QTMAN: variants seen among roughly 807,000 people sequenced by gnomAD.
QTMAN encodes the protein queuosine-tRNA mannosyltransferase.
At chr2:144,012,822 A>G in the QTMAN span, among the ~76,000 whole-genome samples, 8,034 of 152,260 alleles carry the variant, frequency 0.053, 350 homozygotes, top group African/African-American at 0.12. Context: ...GAGAGCGTGT[A>G]TAACTGATAC....
At chr2:144,328,315 C>T in the QTMAN span, among the ~76,000 whole-genome samples, 1 of 152,168 alleles carries the variant, frequency 6.6e-6, no homozygotes, top group East Asian at 1.9e-4. Context: ...TGATCCTACA[C>T]AGCATAGGGG....
At chr2:144,211,384 T>C in the QTMAN span, 1 of 152,640 alleles carries the variant, frequency 6.6e-6, no homozygotes, top group African/African-American at 2.4e-5. Context: ...TGCCTGCATT[T>C]GGGGTGTTTT....
At chr2:144,264,209 C>T in the QTMAN span, among the ~76,000 whole-genome samples, 1 of 152,100 alleles carries the variant, frequency 6.6e-6, no homozygotes, top group Middle Eastern at 3.4e-3. Flanking sequence ...GAGCCAATAT[C>T]ACATATTCTA....
At chr2:144,209,293 T>C in the QTMAN span, among the ~76,000 whole-genome samples, 24 of 152,378 alleles carry the variant, frequency 1.6e-4, no homozygotes, top group African/African-American at 4.8e-4. Context: ...TCTGTAACTC[T>C]TGTATTACTC....
chr2:144,197,295 TTGTGTG>T, the QTMAN span, among the ~76,000 whole-genome samples: 5 of 147,990 alleles, frequency 3.4e-5, no homozygotes, highest in South Asian at 2.1e-4. Flanking sequence ...GACTGTATAT[TTGTGTG>T]TGTGTGTGTG....
At chr2:144,093,395 AAGGGCTGACAT>A in the QTMAN span, among the ~76,000 whole-genome samples, 1 of 152,228 alleles carries the variant, frequency 6.6e-6, no homozygotes, top group African/African-American at 2.4e-5. Context: ...ATACCCCATG[AAGGGCTGACAT>A]TTGCAAAGCA....
At chr2:144,146,017 A>C in the QTMAN span, 1 of 202,262 alleles carries the variant, frequency 4.9e-6, no homozygotes, top group Non-Finnish European at 9.4e-6. Flanking sequence ...AAAAAAAAAA[A>C]AGCCGGATGG....
the QTMAN span, among the ~76,000 whole-genome samples, chr2:144,207,651 G>T: frequency 3.9e-5 from 6 of 152,006 alleles, no homozygotes; most frequent in Non-Finnish European, 8.8e-5. Flanking sequence ...AAGAACATCA[G>T]CTATGTTAAC....
At chr2:144,208,954 A>C in the QTMAN span, 1 of 469,764 alleles carries the variant, frequency 2.1e-6, no homozygotes, top group Non-Finnish European at 3.7e-6. Flanking sequence ...TATTTAAATA[A>C]GTATATAACA....
the QTMAN span, among the ~76,000 whole-genome samples, chr2:144,104,118 G>A: frequency 1.3e-5 from 2 of 151,958 alleles, no homozygotes; most frequent in Non-Finnish European, 2.9e-5. Context: ...GCCGGGGGAG[G>A]GGCGGTGGCG....
chr2:144,182,840 TTATA>T, the QTMAN span, among the ~76,000 whole-genome samples: 2 of 64,524 alleles, frequency 3.1e-5, no homozygotes, highest in Non-Finnish European at 5.5e-5. Flanking sequence ...TATATATATA[TTATA>T]TATATATTTT....
At chr2:143,991,776 A>T in the QTMAN span, among the ~76,000 whole-genome samples, 1 of 125,108 alleles carries the variant, frequency 8.0e-6, no homozygotes, top group African/African-American at 3.1e-5. Context: ...CCCGTCTGGG[A>T]GGGAGGTGGG....
At chr2:144,183,528 T>A in the QTMAN span, among the ~76,000 whole-genome samples, 1 of 152,206 alleles carries the variant, frequency 6.6e-6, no homozygotes, top group African/African-American at 2.4e-5. Context: ...TGTATTTAAT[T>A]TAATTCTGAC....
chr2:144,038,529 A>T, the QTMAN span, among the ~76,000 whole-genome samples: 1 of 152,192 alleles, frequency 6.6e-6, no homozygotes, highest in African/African-American at 2.4e-5. Flanking sequence ...GTACTTTCAC[A>T]AAAACAAGAA....
chr2:144,106,211 C>A, the QTMAN span, among the ~76,000 whole-genome samples: 2 of 152,080 alleles, frequency 1.3e-5, no homozygotes, highest in African/African-American at 4.8e-5. Context: ...CAAGCAAAAT[C>A]ACCAGCTAAC....
the QTMAN span, among the ~76,000 whole-genome samples, chr2:144,144,015 A>C: frequency 3.9e-3 from 599 of 151,954 alleles, 2 homozygotes; most frequent in Non-Finnish European, 6.7e-3. Context: ...ACTGTGAACC[A>C]TTTTTTCCCC....
At chr2:144,026,275 A>C in the QTMAN span, among the ~76,000 whole-genome samples, 1 of 152,090 alleles carries the variant, frequency 6.6e-6, no homozygotes, top group African/African-American at 2.4e-5. Context: ...CTCTACTAAA[A>C]ATACAAAAAA....
the QTMAN span, among the ~76,000 whole-genome samples, chr2:144,105,812 C>T: frequency 1.3e-5 from 2 of 152,076 alleles, no homozygotes; most frequent in East Asian, 3.8e-4. Flanking sequence ...TCAGATTCAC[C>T]AAAGTTGAAA....
the QTMAN span, among the ~76,000 whole-genome samples, chr2:143,948,649 C>A: frequency 5.5e-4 from 83 of 152,006 alleles, 2 homozygotes; most frequent in Non-Finnish European, 9.0e-4. Context: ...TCAGGGTTCT[C>A]TAAAAGCATG....
Sources: allele counts gnomAD v4.1 joint callset (sites outside exome capture counted in the v4.1 genomes callset), GRCh38; gene constraint gnomAD v4.1.1; transcripts MANE v1.5; gene names NCBI Gene and HGNC (gene_info 2026-07-23, HGNC 2026-07-21).